ANKRD54: variants seen among roughly 807,000 people sequenced by gnomAD.
ANKRD54 encodes ankyrin repeat domain 54, also known as ankyrin repeat domain-containing protein 54.
Under a neutral mutation model 36.2 loss-of-function variants are expected in ANKRD54, and 26 were observed. The observed-to-expected ratio is 0.72, with a 90% CI of 0.53 to 1.00. ANKRD54 has a LOEUF of 1.00. Among genes scored for constraint, ANKRD54 ranks in the 50% least tolerant of loss-of-function variants. ANKRD54 has a pLI of 0.00. For synonymous variants in ANKRD54, 209 were observed against 188.4 expected (o/e 1.11, Z -0.89); for missense variants, 384 against 424.3 (o/e 0.91, Z 0.83).
At chr22:37,842,615 G>T (rs1300373341) in intron 1 of ANKRD54, among the ~76,000 whole-genome samples, 1 of 152,142 alleles carries the variant, frequency 6.6e-6, no homozygotes, top group Non-Finnish European at 1.5e-5. Context: ...CCCCTCCAAT[G>T]GCTAATGGAA....
At chr22:37,842,172 C>T (rs1260458556) in intron 1 of ANKRD54, among the ~76,000 whole-genome samples, 1 of 152,174 alleles carries the variant, frequency 6.6e-6, no homozygotes, top group Non-Finnish European at 1.5e-5. Context: ...CCTGTAGTCC[C>T]AGCTACTTGG....
chr22:37,840,614 G>C (rs1924113205), intron 1 of ANKRD54, among the ~76,000 whole-genome samples: 1 of 151,514 alleles, frequency 6.6e-6, no homozygotes, highest in South Asian at 2.1e-4. Context: ...GGCTGGGCAT[G>C]ATGGCTCACG....
At chr22:37,838,453 G>T in intron 3 of ANKRD54, 47 bp downstream of exon 3, 1 of 1,553,018 alleles carries the variant, frequency 6.4e-7, no homozygotes, top group South Asian at 1.2e-5. Context: ...CCTGTGCAGA[G>T]ACACTACTTG....
chr22:37,840,624 G>A (rs1009687912), intron 1 of ANKRD54, among the ~76,000 whole-genome samples: 1 of 151,382 alleles, frequency 6.6e-6, no homozygotes, highest in Non-Finnish European at 1.5e-5. Context: ...GATGGCTCAC[G>A]TCTGTAATCC....
chr22:37,835,160 C>T (rs936438415), intron 3 of ANKRD54, among the ~76,000 whole-genome samples: 1 of 151,686 alleles, frequency 6.6e-6, no homozygotes, highest in African/African-American at 2.4e-5. Flanking sequence ...GTCAGGAGTT[C>T]GAGACCAGCC....
upstream of ANKRD54, chr22:37,848,783 C>T (rs1309868496): frequency 6.6e-6 from 1 of 152,310 alleles, no homozygotes; most frequent in African/African-American, 2.4e-5. Context: ...CCGCCTACAA[C>T]TAAATCCATC....
Position 37,833,038 on chromosome 22 carries a change from G to A in ANKRD54, c.640C>T (p.His214Tyr), listed in dbSNP as rs1301909839. The A allele has an allele frequency of 6.2e-7, 1 of 1,614,066 alleles. No individual in the cohort carries two copies. The highest frequency in any genetic ancestry group is 8.5e-7 in the Non-Finnish European group (1 of 1,180,046). ...ATATTCAGCTTTGACTTGGCCAGGTGCAGGGGTGTGCGACCAGCTCGGTCC... is the reference window on the plus strand; with the variant it reads ...ATATTCAGCTTTGACTTGGCCAGGTACAGGGGTGTGCGACCAGCTCGGTCC... ...ALDRAGRTPLHLAKSKLNILQ... is the reference protein window; with the variant it reads ...ALDRAGRTPLYLAKSKLNILQ... Residue 214 changes from histidine (H) to tyrosine (Y), a missense_variant, in exon 6 of 8, where the codon CAC becomes TAC. By Grantham distance (83) the His-to-Tyr change is moderately conservative. This residue lies in a region of ANKRD54 where 179 missense variants were observed against 224.0 expected (regional missense o/e 0.80). Transcript: ENST00000215941.
Position 37,833,763 on chromosome 22 carries a change from C to T in ANKRD54, c.476-8G>A. The T allele has an allele frequency of 1.2e-6, 2 of 1,613,744 alleles. No homozygotes were observed. The highest frequency in any genetic ancestry group is 1.1e-5 in the South Asian group (1 of 91,080). ...GGTCCAGGAGCAGCTGCACTGGAAA[C>T]AGGCAAACCCAAGAGGAGTTGTCGG... On this transcript the variant is annotated splice_polypyrimidine_tract_variant and splice_region_variant and intron_variant, in intron 3 of 7. Coordinates refer to ENST00000215941, the MANE Select transcript of ANKRD54 (RefSeq NM_138797.4).
Position 37,844,124 on chromosome 22 carries a change from A to G in ANKRD54, c.115T>C (p.Phe39Leu), listed in dbSNP as rs1055245261. ...CCCAGCGCAGACCCGAAGTCAGCGA[A>G]GGAGAAGAGGCCCTCAGCGTCAGTC... ...PLTDAEGLFS[F>L]ADFGSALGGG... Residue 39 changes from phenylalanine to leucine, a missense_variant, in exon 1 of 8, where the codon TTC becomes CTC. Physicochemically the swap from Phe to Leu is conservative, Grantham distance 22. This residue lies in a region of ANKRD54 where 195 missense variants were observed against 177.7 expected (regional missense o/e 1.10). Coordinates refer to ENST00000215941, the MANE Select transcript of ANKRD54 (RefSeq NM_138797.4). 5 of 1,491,604 alleles carry G rather than the reference A, an allele frequency of 3.4e-6. No individual in the cohort carries two copies. In the African/African-American group the frequency reaches 5.8e-5, roughly 17 times the overall value. The allele number at this position is 1,491,604 out of a possible 1,614,324, so 92.4% of individuals were successfully genotyped here.
At chr22:37,842,777 GC>G (rs1200344934) in intron 1 of ANKRD54, among the ~76,000 whole-genome samples, 2 of 152,190 alleles carry the variant, frequency 1.3e-5, no homozygotes, top group African/African-American at 4.8e-5. Flanking sequence ...TAGAGTCATA[GC>G]CAGTCCTGGA....
chr22:37,846,095 A>G (rs184502563), upstream of ANKRD54, among the ~76,000 whole-genome samples: 1 of 152,016 alleles, frequency 6.6e-6, no homozygotes, highest in Non-Finnish European at 1.5e-5. Flanking sequence ...GAATGGCGTG[A>G]ACCCAGGAGG....
In ANKRD54 at chr22:37,832,858, C is replaced by T. The variant is rs1271595728; in HGVS notation, c.720+100G>A. On this transcript the variant is annotated intron_variant, in intron 6 of 7. Coordinates refer to ENST00000215941, the MANE Select transcript of ANKRD54 (RefSeq NM_138797.4). ...CCAACTGGGGTCAGTGTGAAACAAC[C>T]CAGGAGCCCTGGGACCAGAGGCAGG... 4 of 1,605,782 alleles carry T rather than the reference C, an allele frequency of 2.5e-6. No individual in the cohort carries two copies. In the African/African-American group the frequency reaches 5.4e-5, roughly 21 times the overall value.
At chr22:37,840,286 C>A in intron 1 of ANKRD54, 52 bp from the exon 2 acceptor site, 1 of 1,598,942 alleles carries the variant, frequency 6.3e-7, no homozygotes, top group Non-Finnish European at 8.6e-7. Context: ...TGGCTGGGTG[C>A]GGTGGCTCAT....
chr22:37,839,667 G>A (rs759848692), intron 2 of ANKRD54, among the ~76,000 whole-genome samples: 8 of 151,898 alleles, frequency 5.3e-5, no homozygotes, highest in East Asian at 1.9e-4. Context: ...GATTACAGGC[G>A]TGAGCCACCG....
upstream of ANKRD54, among the ~76,000 whole-genome samples, chr22:37,847,343 G>T (rs1183698427): frequency 6.6e-6 from 1 of 151,622 alleles, no homozygotes. Context: ...TATATTTTTA[G>T]TAGAGACGGG....
upstream of ANKRD54, among the ~76,000 whole-genome samples, chr22:37,845,172 C>T (rs1924762484): frequency 6.6e-6 from 1 of 152,042 alleles, no homozygotes; most frequent in Non-Finnish European, 1.5e-5. Context: ...TAGGTAACCC[C>T]GACGTAGATG....
upstream of ANKRD54, among the ~76,000 whole-genome samples, chr22:37,846,876 C>G (rs1169261973): frequency 1.1e-5 from 1 of 93,246 alleles, no homozygotes; most frequent in African/African-American, 3.7e-5. Flanking sequence ...TTTTTTGAGA[C>G]GGAGTCTCGC....
chr22:37,841,085 A>G (rs1479562496), intron 1 of ANKRD54, among the ~76,000 whole-genome samples: 3 of 14,590 alleles, frequency 2.1e-4, no homozygotes, highest in African/African-American at 3.7e-3. Context: ...GTCTCAGGAA[A>G]AAAAAAAAAA....
chr22:37,835,782 G>C (rs1923439990), intron 3 of ANKRD54, among the ~76,000 whole-genome samples: 1 of 152,188 alleles, frequency 6.6e-6, no homozygotes, highest in African/African-American at 2.4e-5. Flanking sequence ...CGTAAGCCTG[G>C]ATGACAGAGT....
Sources: allele counts gnomAD v4.1 joint callset (sites outside exome capture counted in the v4.1 genomes callset), GRCh38; gene constraint gnomAD v4.1.1; regional missense constraint gnomAD v4.1.1; transcripts MANE v1.5; gene names NCBI Gene and HGNC (gene_info 2026-07-23, HGNC 2026-07-21).